Variants in PLEK observed in about 807,000 individuals in gnomAD.
PLEK encodes platelet 47 kDa protein.
Under a neutral mutation model 43.9 loss-of-function variants are expected in PLEK, and 25 were observed. That is an observed-to-expected ratio of 0.57 (90% confidence interval 0.41 to 0.79). PLEK has a LOEUF of 0.79. Ranked by LOEUF, PLEK falls within the 30% of genes least tolerant of loss-of-function variation. The probability of loss-of-function intolerance (pLI) is 0.00; values close to 1 mark genes in which losing one functional copy is unlikely to be tolerated. For synonymous variants in PLEK, 152 were observed against 144.4 expected (o/e 1.05, Z -0.38); for missense variants, 396 against 413.3 (o/e 0.96, Z 0.36).
chr2:68,383,998 C>G lies in PLEK; in HGVS notation c.472+1365C>G, dbSNP rs553111404. Among the ~76,000 whole-genome samples, 86 of 152,220 alleles carry G rather than the reference C, an allele frequency of 5.6e-4. 2 individuals are homozygous for G. The South Asian group carries it at 0.012, about 21-fold the overall frequency. ...GAAAGTGACAAGAACAAGGGAAGTT[C>G]CCAACTCTATCAGGACCGAGGTCAC... On this transcript the variant is annotated intron_variant, in intron 4 of 8. Transcript: ENST00000234313.
At chr2:68,369,720 A>G (rs77605419) in intron 1 of PLEK, among the ~76,000 whole-genome samples, 12,845 of 152,262 alleles carry the variant, frequency 0.084, 684 homozygotes, top group Non-Finnish European at 0.12. Context: ...TTCATTTTAC[A>G]GGTGAGGAGA....
intron 3 of PLEK, among the ~76,000 whole-genome samples, chr2:68,382,196 G>A (rs546045683): frequency 1.4e-3 from 208 of 152,264 alleles, no homozygotes; most frequent in African/African-American, 4.8e-3. Flanking sequence ...GTAGAAAATG[G>A]ACCCTAGGAA....
intron 1 of PLEK, 26 bp downstream of exon 1, chr2:68,365,419 G>A: frequency 6.3e-7 from 1 of 1,594,462 alleles, no homozygotes; most frequent in Non-Finnish European, 8.6e-7. Flanking sequence ...ACTTACCAGG[G>A]TGTCAGTGGA....
intron 1 of PLEK, among the ~76,000 whole-genome samples, chr2:68,374,745 A>G (rs1363919007): frequency 6.6e-6 from 1 of 152,168 alleles, no homozygotes; most frequent in Non-Finnish European, 1.5e-5. Context: ...CGTCATATGA[A>G]TGTAATCATA....
chr2:68,384,499 T>C (rs56188212), intron 4 of PLEK, among the ~76,000 whole-genome samples: 41,328 of 151,968 alleles, frequency 0.27, 5,808 homozygotes, highest in Middle Eastern at 0.36. Flanking sequence ...TGGCCTGTAA[T>C]CCCTAAGATT....
chr2:68,388,363 G>A (rs561800827), intron 5 of PLEK, 24 bp from the exon 6 acceptor site: 66 of 1,387,414 alleles, frequency 4.8e-5, no homozygotes, highest in South Asian at 3.5e-4. Context: ...GGTGATGTTA[G>A]CTTGCTGTTT....
At position 68,380,885 on chromosome 2, in the gene PLEK, C is replaced by T. The variant is rs1363462617; in HGVS notation, c.361C>T (p.Pro121Ser). Reference protein sequence around the residue: ...RKSTRRSIRLPETIDLGALYL... With the variant: ...RKSTRRSIRLSETIDLGALYL... ...ATCTACCAGGAGGTCCATTCGACTG[C>T]CAGAAACCATTGACTTAGGGTGATT... The change falls in exon 3 of 9, where the codon CCA becomes TCA. Residue 121 changes from proline (P) to serine (S), a missense_variant. Physicochemically the swap from Pro to Ser is moderately conservative, Grantham distance 74 (BLOSUM62 -1). Transcript: ENST00000234313. 1 of 1,613,522 alleles carries T rather than the reference C, an allele frequency of 6.2e-7. No individual in the cohort carries two copies. Among genetic ancestry groups the T allele is most frequent in the East Asian group, 2.2e-5 (1 of 44,880 alleles).
intron 1 of PLEK, among the ~76,000 whole-genome samples, chr2:68,368,664 A>G (rs1558495008): frequency 6.6e-6 from 1 of 152,258 alleles, no homozygotes; most frequent in Non-Finnish European, 1.5e-5. Context: ...AGGTACTCGA[A>G]TACCTACTAC....
chr2:68,387,788 T>A (rs935371286), intron 5 of PLEK, among the ~76,000 whole-genome samples: 1 of 149,358 alleles, frequency 6.7e-6, no homozygotes, highest in East Asian at 1.9e-4. Flanking sequence ...TTTTTTTTTT[T>A]CTTCAGTCCT....
At chr2:68,388,226 G>C (rs1015018331) in intron 5 of PLEK, 161 bp from the exon 6 acceptor site, 1 of 540,218 alleles carries the variant, frequency 1.9e-6, no homozygotes, top group South Asian at 2.5e-5. Context: ...GGAGAAACTC[G>C]CTCATCAAGG....
At chr2:68,371,932 G>T (rs1673416581) in intron 1 of PLEK, among the ~76,000 whole-genome samples, 1 of 151,894 alleles carries the variant, frequency 6.6e-6, no homozygotes, top group South Asian at 2.1e-4. Context: ...ATTTCAATTT[G>T]CATTTCTTTG....
At chr2:68,382,496 G>GTT in intron 3 of PLEK, 46 bp from the exon 4 acceptor site, 3 of 1,152,058 alleles carry the variant, frequency 2.6e-6, no homozygotes, top group South Asian at 1.3e-5. Flanking sequence ...ATCCAACTGG[G>GTT]TTTTTTTTTG....
At chr2:68,377,312 T>C (rs919143591) in intron 1 of PLEK, among the ~76,000 whole-genome samples, 3 of 152,212 alleles carry the variant, frequency 2.0e-5, no homozygotes, top group African/African-American at 7.2e-5. Flanking sequence ...GGTCAAATCG[T>C]AGTTCTGTTT....
chr2:68,395,825 C>T lies in PLEK; in HGVS notation c.*9C>T. On this transcript the variant is annotated 3_prime_UTR_variant, in exon 9 of 9. Coordinates refer to ENST00000234313, the MANE Select transcript of PLEK (RefSeq NM_002664.3). ...CCCGAACTGGGAAGTAAAGAGACTC[C>T]TGCATTCCTCCTCCCCTCCTGAGGG... 2 of 1,610,250 alleles carry T rather than the reference C, an allele frequency of 1.2e-6. No homozygotes were observed. Among genetic ancestry groups the T allele is most frequent in the South Asian group, 1.1e-5 (1 of 91,000 alleles).
At chr2:68,389,027 G>A (rs1050069468) in intron 6 of PLEK, among the ~76,000 whole-genome samples, 3 of 152,338 alleles carry the variant, frequency 2.0e-5, no homozygotes, top group Middle Eastern at 3.4e-3. Flanking sequence ...TGCAGATTGA[G>A]GGCATGGACA....
Position 68,370,948 on chromosome 2 carries a change from G to C in PLEK, c.42+5555G>C, listed in dbSNP as rs184553958. Among the ~76,000 whole-genome samples the C allele has an allele frequency of 2.0e-5, 3 of 152,120 alleles. No individual in the cohort carries two copies. In the East Asian group the frequency reaches 5.8e-4, roughly 29 times the overall value. On this transcript the variant is annotated intron_variant, in intron 1 of 8. Coordinates refer to ENST00000234313, the MANE Select transcript of PLEK (RefSeq NM_002664.3). ...AGTCTTAAGAAAAAGTAATTTCAAC[G>C]GGGGTAGTCATTTTTAGATGATCAT...
intron 1 of PLEK, among the ~76,000 whole-genome samples, chr2:68,372,004 C>T (rs1053210239): frequency 5.9e-5 from 9 of 152,134 alleles, no homozygotes; most frequent in Admixed American, 4.6e-4. Context: ...TTGAGAATTG[C>T]TTATTTATAT....
intron 1 of PLEK, among the ~76,000 whole-genome samples, chr2:68,380,025 G>C (rs1487668619): frequency 1.3e-5 from 2 of 152,164 alleles, no homozygotes; most frequent in African/African-American, 4.8e-5. Context: ...TCATCAATGA[G>C]GTGGCTAAGC....
At chr2:68,382,474 T>C (rs1673642965) in intron 3 of PLEK, 68 bp from the exon 4 acceptor site, 16 of 879,882 alleles carry the variant, frequency 1.8e-5, no homozygotes, top group Non-Finnish European at 2.6e-5. Flanking sequence ...CATTCTGAAA[T>C]GTTCCCCACT....
Sources: allele counts gnomAD v4.1 joint callset (sites outside exome capture counted in the v4.1 genomes callset), GRCh38; gene constraint gnomAD v4.1.1; transcripts MANE v1.5; gene names NCBI Gene and HGNC (gene_info 2026-07-23, HGNC 2026-07-21).